The following CERS3 variants were observed in gnomAD, a reference collection of about 807,000 sequenced individuals.
CERS3 encodes the protein ceramide synthase 3, also known as LAG1 homolog, ceramide synthase 3.
Under a neutral mutation model 50.3 loss-of-function variants are expected in CERS3, and 33 were observed. The observed-to-expected ratio is 0.66, with a 90% CI of 0.50 to 0.88. The LOEUF (loss-of-function observed/expected upper bound fraction) is 0.88, where lower values mean the gene tolerates loss of function less well. Ranked by LOEUF, CERS3 falls within the 40% of genes least tolerant of loss-of-function variation. The pLI is 0.00. For missense variants in CERS3, 470 were observed against 460.3 expected, an observed-to-expected ratio of 1.02 and a Z score of -0.19; for synonymous variants, 176 against 155.2, an observed-to-expected ratio of 1.13 and a Z score of -0.99.
At chr15:100,411,928 A>C (rs1031994402) in intron 11 of CERS3, among the ~76,000 whole-genome samples, 2 of 152,184 alleles carry the variant, frequency 1.3e-5, no homozygotes, top group South Asian at 4.1e-4. Context: ...GGTCTATTCA[A>C]GTCCTTTGCC....
At chr15:100,409,809 A>G (rs1187811733) in intron 11 of CERS3, among the ~76,000 whole-genome samples, 2 of 152,268 alleles carry the variant, frequency 1.3e-5, no homozygotes, top group Admixed American at 1.3e-4. Flanking sequence ...ACCCCTTTAC[A>G]AATCATTAAA....
chr15:100,528,170 T>G (rs1204535778), intron 1 of CERS3, among the ~76,000 whole-genome samples: 1 of 152,110 alleles, frequency 6.6e-6, no homozygotes. Context: ...GAAAAAGTAG[T>G]TTGATTTTGT....
chr15:100,462,378 A>G (rs915738094), intron 10 of CERS3, among the ~76,000 whole-genome samples: 7 of 152,202 alleles, frequency 4.6e-5, no homozygotes, highest in Non-Finnish European at 7.3e-5. Flanking sequence ...GCAACCACCA[A>G]AAAGTTGTAT....
At chr15:100,427,479 G>A (rs1381921704) in intron 11 of CERS3, among the ~76,000 whole-genome samples, 1 of 152,174 alleles carries the variant, frequency 6.6e-6, no homozygotes, top group Non-Finnish European at 1.5e-5. Context: ...CAACGGATGT[G>A]CCAGGAAAGG....
At chr15:100,439,358 T>C (rs1161306293) in intron 11 of CERS3, among the ~76,000 whole-genome samples, 1 of 152,222 alleles carries the variant, frequency 6.6e-6, no homozygotes, top group Non-Finnish European at 1.5e-5. Flanking sequence ...ATACATTATT[T>C]TGTAACTTGC....
chr15:100,438,395 G>A (rs1321458380), intron 11 of CERS3, among the ~76,000 whole-genome samples: 2 of 151,616 alleles, frequency 1.3e-5, no homozygotes, highest in Non-Finnish European at 2.9e-5. Flanking sequence ...GTACCCAGTA[G>A]GTGTATACAT....
chr15:100,453,314 G>C (rs539456275), intron 11 of CERS3, among the ~76,000 whole-genome samples: 3 of 152,254 alleles, frequency 2.0e-5, no homozygotes, highest in African/African-American at 7.2e-5. Context: ...GGCCAAGTGG[G>C]ATTCAACCCA....
At chr15:100,514,988 T>C (rs1463580498) in intron 2 of CERS3, among the ~76,000 whole-genome samples, 1 of 152,228 alleles carries the variant, frequency 6.6e-6, no homozygotes, top group Admixed American at 6.5e-5. Flanking sequence ...GCTATAGATA[T>C]GAAGAAACTG....
intron 11 of CERS3, among the ~76,000 whole-genome samples, chr15:100,410,652 G>C (rs2031411390): frequency 6.6e-6 from 1 of 152,016 alleles, no homozygotes; most frequent in African/African-American, 2.4e-5. Flanking sequence ...TCTTTTGAGG[G>C]GCTCAGGAAA....
intron 6 of CERS3, among the ~76,000 whole-genome samples, 194 bp downstream of exon 6, chr15:100,479,795 T>C (rs1454651263): frequency 6.6e-6 from 1 of 152,158 alleles, no homozygotes; most frequent in Non-Finnish European, 1.5e-5. Flanking sequence ...TCTAAACCAA[T>C]TGTATTATTG....
intron 11 of CERS3, among the ~76,000 whole-genome samples, chr15:100,420,524 T>G (rs2032344138): frequency 6.6e-6 from 1 of 152,026 alleles, no homozygotes; most frequent in Non-Finnish European, 1.5e-5. Flanking sequence ...CTGGTACCAT[T>G]CCTTCTGAAA....
chr15:100,436,853 G>C (rs893840176), intron 11 of CERS3, among the ~76,000 whole-genome samples: 1 of 151,632 alleles, frequency 6.6e-6, no homozygotes, highest in Non-Finnish European at 1.5e-5. Context: ...AAGACACGCT[G>C]TTATCATCAG....
intron 11 of CERS3, among the ~76,000 whole-genome samples, chr15:100,409,354 C>G (rs1191037668): frequency 1.3e-5 from 2 of 152,130 alleles, no homozygotes; most frequent in East Asian, 1.9e-4. Flanking sequence ...ATTTGGCAAC[C>G]TATTCATGAT....
intron 1 of CERS3, among the ~76,000 whole-genome samples, chr15:100,540,994 A>G (rs1440401883): frequency 6.6e-6 from 1 of 152,300 alleles, no homozygotes; most frequent in Middle Eastern, 3.4e-3. Context: ...AAAAATAGAG[A>G]AATCGCAGTG....
At chr15:100,479,540 CAA>C in intron 6 of CERS3, 62 bp from the exon 7 acceptor site, 1 of 1,291,754 alleles carries the variant, frequency 7.7e-7, no homozygotes, top group Non-Finnish European at 1.1e-6. Flanking sequence ...TGTCAAAGGT[CAA>C]TTTTGGCAGA....
intron 3 of CERS3, among the ~76,000 whole-genome samples, chr15:100,497,520 T>C (rs1254219676): frequency 3.9e-5 from 6 of 152,052 alleles, no homozygotes; most frequent in Middle Eastern, 3.2e-3. Flanking sequence ...GTTTTCAATA[T>C]ATCTGCTCAG....
intron 11 of CERS3, among the ~76,000 whole-genome samples, chr15:100,448,574 CCCT>C (rs1460631317): frequency 6.6e-6 from 1 of 152,198 alleles, no homozygotes; most frequent in East Asian, 1.9e-4. Context: ...CCCACATACC[CCCT>C]GAGTCCTAAG....
At chr15:100,452,357 C>T (rs891431692) in intron 11 of CERS3, among the ~76,000 whole-genome samples, 18 of 152,064 alleles carry the variant, frequency 1.2e-4, no homozygotes, top group African/African-American at 2.4e-5. Flanking sequence ...GGAAATTAAA[C>T]TTTGAAAACT....
intron 11 of CERS3, among the ~76,000 whole-genome samples, chr15:100,449,177 G>A (rs1281339272): frequency 1.3e-5 from 2 of 152,204 alleles, no homozygotes; most frequent in Non-Finnish European, 2.9e-5. Context: ...ATTGGTATCT[G>A]AGCACTCCTC....
Sources: allele counts gnomAD v4.1 joint callset (sites outside exome capture counted in the v4.1 genomes callset), GRCh38; gene constraint gnomAD v4.1.1; transcripts MANE v1.5; gene names NCBI Gene and HGNC (gene_info 2026-07-23, HGNC 2026-07-21).